The following CDH4 variants were observed in gnomAD, a reference collection of about 807,000 sequenced individuals.
CDH4 encodes the protein cadherin 4.
A neutral mutation model predicts 86.0 loss-of-function variants in CDH4; 33 were observed. The observed-to-expected ratio is 0.38, with a 90% CI of 0.29 to 0.51. The LOEUF is 0.51. Among genes scored for constraint, CDH4 ranks in the 20% least tolerant of loss-of-function variants. The pLI is 0.86. For missense variants in CDH4, 1,114 were observed against 1,307.4 expected (o/e 0.85, Z 2.28); for synonymous variants, 555 against 549.4 (o/e 1.01, Z -0.14).
At chr20:61,403,256 C>T (rs533189415) in intron 2 of CDH4, among the ~76,000 whole-genome samples, 1 of 152,326 alleles carries the variant, frequency 6.6e-6, no homozygotes, top group East Asian at 1.9e-4. Flanking sequence ...CTACTATCAT[C>T]CTCCTGCATT....
chr20:61,849,225 G>A (rs545554465), intron 5 of CDH4, among the ~76,000 whole-genome samples: 2 of 151,938 alleles, frequency 1.3e-5, no homozygotes, highest in East Asian at 3.9e-4. Context: ...CTTCCCTGGA[G>A]AAGGAAGCCC....
intron 2 of CDH4, among the ~76,000 whole-genome samples, chr20:61,334,452 C>T (rs1177383158): frequency 6.6e-6 from 1 of 152,122 alleles, no homozygotes; most frequent in Non-Finnish European, 1.5e-5. Context: ...CGCCTGAGAC[C>T]GGCTAATGGA....
intron 4 of CDH4, among the ~76,000 whole-genome samples, chr20:61,837,148 G>T (rs1271001623): frequency 6.6e-6 from 1 of 152,220 alleles, no homozygotes; most frequent in Non-Finnish European, 1.5e-5. Flanking sequence ...AGTTGTGATT[G>T]CGCCACTGCA....
chr20:61,729,771 AGAT>A (rs1427472198), intron 2 of CDH4, among the ~76,000 whole-genome samples: 1 of 152,190 alleles, frequency 6.6e-6, no homozygotes, highest in Non-Finnish European at 1.5e-5. Context: ...CATCAGAGAG[AGAT>A]GCAGTGTCCA....
rs112158719 is a variant in CDH4 at position 61,587,139 on chromosome 20, C to T, written c.170-156424C>T. 1.1e-4 allele frequency among the ~76,000 whole-genome samples: 16 copies of T among 152,256 alleles called. 1 individual carries two copies. The highest frequency in any genetic ancestry group is 3.4e-4 in the African/African-American group (14 of 41,544). The stretch of plus-strand genomic sequence containing the variant: ...ATTGATCCAAGTGCTGAAGAAAGGC[C>T]GAGAATCCAAGAGAGCCCAGTGGGG... On this transcript the variant is annotated intron_variant, in intron 2 of 15. Coordinates refer to ENST00000614565, the MANE Select transcript of CDH4 (RefSeq NM_001794.5).
At chr20:61,326,150 A>T (rs1476775465) in intron 2 of CDH4, among the ~76,000 whole-genome samples, 1 of 152,168 alleles carries the variant, frequency 6.6e-6, no homozygotes, top group Non-Finnish European at 1.5e-5. Context: ...AGTTTTTCTC[A>T]TGGAATCTTG....
At chr20:61,878,031 G>A (rs544484836) in intron 7 of CDH4, among the ~76,000 whole-genome samples, 5 of 152,290 alleles carry the variant, frequency 3.3e-5, no homozygotes, top group South Asian at 2.1e-4. Flanking sequence ...GGACACAGAC[G>A]GGCGTGGTCA....
intron 6 of CDH4, among the ~76,000 whole-genome samples, chr20:61,858,019 CTGCA>C (rs1291118294): frequency 1.5e-5 from 2 of 136,354 alleles, no homozygotes; most frequent in South Asian, 2.4e-4. Flanking sequence ...GTGTCTGTGT[CTGCA>C]TCTGTGTGTG....
chr20:61,404,166 G>A (rs926901922), intron 2 of CDH4, among the ~76,000 whole-genome samples: 1 of 151,988 alleles, frequency 6.6e-6, no homozygotes, highest in African/African-American at 2.4e-5. Flanking sequence ...GGGTACAGGG[G>A]TCCTGGGCCA....
At chr20:61,906,546 A>C (rs1172524668) in intron 8 of CDH4, among the ~76,000 whole-genome samples, 2 of 152,358 alleles carry the variant, frequency 1.3e-5, no homozygotes, top group East Asian at 3.9e-4. Flanking sequence ...TCACTCAAGG[A>C]AGGAGAAGCG....
chr20:61,500,264 C>T (rs148009004), intron 2 of CDH4, among the ~76,000 whole-genome samples: 209 of 152,324 alleles, frequency 1.4e-3, no homozygotes, highest in African/African-American at 4.7e-3. Flanking sequence ...AGAGGATGCA[C>T]GGTGCTGATA....
intron 2 of CDH4, among the ~76,000 whole-genome samples, chr20:61,588,372 A>AT (rs1335438085): frequency 1.3e-5 from 2 of 152,256 alleles, no homozygotes; most frequent in African/African-American, 2.4e-5. Context: ...AGGTCTGGGC[A>AT]CAGCGGGAGA....
At chr20:61,929,345 C>T (rs1310782570) in intron 12 of CDH4, among the ~76,000 whole-genome samples, 1 of 152,150 alleles carries the variant, frequency 6.6e-6, no homozygotes, top group Non-Finnish European at 1.5e-5. Flanking sequence ...GCCATGTTGG[C>T]CAGGCTGGTC....
At chr20:61,661,092 G>T (rs970463223) in intron 2 of CDH4, among the ~76,000 whole-genome samples, 2 of 141,660 alleles carry the variant, frequency 1.4e-5, no homozygotes, top group Non-Finnish European at 3.1e-5. Context: ...GGCGGGGGGG[G>T]GGGAGACACA....
At chr20:61,745,978 ATG>A (rs772319401) in intron 3 of CDH4, among the ~76,000 whole-genome samples, 3 of 152,092 alleles carry the variant, frequency 2.0e-5, no homozygotes, top group Non-Finnish European at 4.4e-5. Flanking sequence ...CCCCGTGGGA[ATG>A]TGCCTCGACC....
chr20:61,376,707 G>A (rs547016048), intron 2 of CDH4, among the ~76,000 whole-genome samples: 2 of 152,322 alleles, frequency 1.3e-5, no homozygotes, highest in South Asian at 2.1e-4. Flanking sequence ...GGCTGCTCCC[G>A]TTTTTCCCAT....
At chr20:61,281,935 A>G (rs528905869) in intron 2 of CDH4, among the ~76,000 whole-genome samples, 48 of 152,178 alleles carry the variant, frequency 3.2e-4, no homozygotes, top group Non-Finnish European at 5.6e-4. Flanking sequence ...GAAAATTCCA[A>G]ACCGATGTGA....
intron 2 of CDH4, among the ~76,000 whole-genome samples, chr20:61,465,244 C>T (rs2085465897): frequency 6.6e-6 from 1 of 152,104 alleles, no homozygotes; most frequent in South Asian, 2.1e-4. Flanking sequence ...CTGCTGCTTT[C>T]CAGTTTTTAG....
chr20:61,610,150 C>A (rs1167160091), intron 2 of CDH4, among the ~76,000 whole-genome samples: 1 of 152,152 alleles, frequency 6.6e-6, no homozygotes. Context: ...CTCAACCCCC[C>A]AGACACACTC....
Sources: gnomAD v4.1 joint callset for allele counts (sites outside exome capture counted in the v4.1 genomes callset) on GRCh38, gnomAD v4.1.1 for gene constraint, MANE v1.5 for transcripts, NCBI Gene and HGNC (gene_info 2026-07-23, HGNC 2026-07-21) for gene names.